Variants in FBXL13 observed in about 807,000 individuals in gnomAD.
The protein encoded by FBXL13 is F-box and leucine-rich repeat protein 13.
In FBXL13, 67 loss-of-function variants were observed where a neutral mutation model predicts 83.6. That is an observed-to-expected ratio of 0.80 (90% CI 0.66 to 0.98). FBXL13 has a LOEUF of 0.98. Among genes scored for constraint, FBXL13 ranks in the 50% least tolerant of loss-of-function variants. The probability of loss-of-function intolerance (pLI) is 0.00; values close to 1 mark genes in which losing one functional copy is unlikely to be tolerated. For missense variants in FBXL13, 822 were observed against 866.5 expected, an observed-to-expected ratio of 0.95 and a Z score of 0.64; for synonymous variants, 272 against 299.5, an observed-to-expected ratio of 0.91 and a Z score of 0.95.
intron 16 of FBXL13, among the ~76,000 whole-genome samples, chr7:102,877,108 G>A (rs1809374444): frequency 6.6e-6 from 1 of 152,076 alleles, no homozygotes. Flanking sequence ...CAAGGCATTC[G>A]GGTAGTCTCA....
chr7:102,867,401 T>C (rs1367240486), intron 16 of FBXL13, among the ~76,000 whole-genome samples: 1 of 151,776 alleles, frequency 6.6e-6, no homozygotes, highest in Non-Finnish European at 1.5e-5. Flanking sequence ...AAGAATTTAC[T>C]AGGTGGACAA....
intron 17 of FBXL13, among the ~76,000 whole-genome samples, chr7:102,849,558 C>T (rs534872490): frequency 2.0e-5 from 3 of 152,298 alleles, no homozygotes; most frequent in African/African-American, 7.2e-5. Context: ...ATCTAAGTAA[C>T]GAGAGAGCAT....
intron 2 of FBXL13, among the ~76,000 whole-genome samples, chr7:103,054,123 C>G (rs181143045): frequency 7.7e-4 from 89 of 115,686 alleles, no homozygotes; most frequent in African/African-American, 2.3e-3. Flanking sequence ...GGGCCAAGCA[C>G]AGTGGCTCAC....
intron 2 of FBXL13, among the ~76,000 whole-genome samples, chr7:103,040,101 TA>T (rs1298219070): frequency 1.3e-5 from 2 of 150,114 alleles, no homozygotes; most frequent in Non-Finnish European, 3.0e-5. Context: ...AAGATGCACA[TA>T]AGCTCAAAAT....
intron 9 of FBXL13, among the ~76,000 whole-genome samples, chr7:102,929,005 T>C (rs1212149015): frequency 6.6e-6 from 1 of 152,216 alleles, no homozygotes; most frequent in Non-Finnish European, 1.5e-5. Context: ...TTATTTATGT[T>C]AAAGTACAAG....
At chr7:102,903,226 G>A (rs1486809776) in intron 11 of FBXL13, among the ~76,000 whole-genome samples, 2 of 151,984 alleles carry the variant, frequency 1.3e-5, no homozygotes, top group Non-Finnish European at 2.9e-5. Flanking sequence ...ATTGTTCACT[G>A]TTGGCATATA....
At chr7:102,909,383 G>T (rs1218409832) in intron 11 of FBXL13, among the ~76,000 whole-genome samples, 1 of 152,084 alleles carries the variant, frequency 6.6e-6, no homozygotes, top group Non-Finnish European at 1.5e-5. Flanking sequence ...CTGCCTCGGT[G>T]CTCTACCCTC....
rs754986759 is a variant in FBXL13, at chr7:102,939,633, A to AT, written c.725-7701dup. The AT allele has an allele frequency of 3.8e-5, 57 of 1,515,476 alleles. No homozygotes were observed. The East Asian group carries it at 1.2e-3, about 31-fold the overall frequency. 93.9% of individuals were successfully genotyped at this position (1,515,476 alleles called of 1,614,324 possible). On this transcript the variant is annotated intron_variant, in intron 8 of 19. Transcript: ENST00000313221. ...TTCAATGGGTGGCAAGTGTTCTGTG[A>AT]TTTTTTTCTATGGCAACACTTATAT...
intron 8 of FBXL13, among the ~76,000 whole-genome samples, chr7:102,962,055 C>G (rs1298302567): frequency 6.6e-6 from 1 of 150,902 alleles, no homozygotes; most frequent in African/African-American, 2.5e-5. Flanking sequence ...AGGCAACCTA[C>G]AAAATGGGAG....
intron 2 of FBXL13, among the ~76,000 whole-genome samples, chr7:103,030,529 A>G (rs973472188): frequency 6.6e-6 from 1 of 152,202 alleles, no homozygotes; most frequent in Non-Finnish European, 1.5e-5. Context: ...TTTCACTAAC[A>G]TTACAATTTT....
intron 14 of FBXL13, among the ~76,000 whole-genome samples, chr7:102,882,792 C>CA (rs1294212177): frequency 1.5e-5 from 2 of 131,664 alleles, no homozygotes; most frequent in African/African-American, 3.1e-5. Context: ...CAAAACAAAA[C>CA]AAAAAAACAG....
chr7:102,924,057 T>C (rs1032568750), intron 10 of FBXL13, among the ~76,000 whole-genome samples: 97 of 151,832 alleles, frequency 6.4e-4, no homozygotes, highest in African/African-American at 2.2e-3. Flanking sequence ...CCGACCAACA[T>C]AGAGAAACCC....
In FBXL13 at chr7:103,021,351, T is replaced by G. The variant is rs185554606; in HGVS notation, c.495+3712A>C. Among the ~76,000 whole-genome samples the G allele has an allele frequency of 4.8e-3, 729 of 152,312 alleles. 5 individuals are homozygous for G. Among genetic ancestry groups the G allele is most frequent in the African/African-American group, 0.017 (689 of 41,558 alleles). ...ATTAATTCAAGATGAATTAAAGACT[T>G]AAATGTTAGACCTAAAACCATAAAA... On this transcript the variant is annotated intron_variant, in intron 6 of 19. Transcript: ENST00000313221.
chr7:103,073,250 T>C (rs755161716), intron 1 of FBXL13, among the ~76,000 whole-genome samples: 8 of 152,316 alleles, frequency 5.3e-5, no homozygotes, highest in Middle Eastern at 3.4e-3. Flanking sequence ...ATACAACATA[T>C]ATGAAATCAA....
intron 2 of FBXL13, among the ~76,000 whole-genome samples, chr7:103,039,489 C>T (rs752856171): frequency 2.0e-4 from 31 of 152,204 alleles, no homozygotes; most frequent in Admixed American, 8.5e-4. Flanking sequence ...CACAAAGATA[C>T]GCCTTGAGAA....
rs57047697 is a variant in FBXL13 at position 102,834,878 on chromosome 7, ATGTGTGTGTGTGTG to A, written c.1720-1918_1720-1905del. On this transcript the variant is annotated intron_variant, in intron 17 of 19. Coordinates refer to ENST00000313221, the Ensembl canonical transcript of FBXL13. Reference sequence around the variant, plus strand: ...ATTAGCTTGATTTAACCATTCCACAATGTGTGTGTGTGTGTGTGTGTGTGTGTGTGTGTGTGTGT... The same window carrying A: ...ATTAGCTTGATTTAACCATTCCACAATGTGTGTGTGTGTGTGTGTGTGTGT... Among the ~76,000 whole-genome samples, 1,342 of 147,156 alleles carry A rather than the reference ATGTGTGTGTGTGTG, an allele frequency of 9.1e-3. 21 individuals are homozygous for A. Among genetic ancestry groups the A allele is most frequent in the African/African-American group, 0.031 (1,259 of 40,020 alleles).
chr7:102,915,570 T>C (rs1181759177), intron 10 of FBXL13, among the ~76,000 whole-genome samples: 1 of 152,212 alleles, frequency 6.6e-6, no homozygotes, highest in Non-Finnish European at 1.5e-5. Context: ...AGAACTGAGC[T>C]AGGAGTGCTT....
intron 6 of FBXL13, among the ~76,000 whole-genome samples, chr7:102,977,722 G>T (rs888007584): frequency 6.6e-6 from 1 of 152,148 alleles, no homozygotes; most frequent in Non-Finnish European, 1.5e-5. Context: ...TGATAGACTG[G>T]ATTAAGAAAA....
At chr7:102,821,802 C>G (rs919705377) in intron 19 of FBXL13, among the ~76,000 whole-genome samples, 9 of 152,070 alleles carry the variant, frequency 5.9e-5, no homozygotes, top group Non-Finnish European at 2.9e-5. Flanking sequence ...GCTTTGGACA[C>G]CTGCTTAGTC....
Sources: allele counts gnomAD v4.1 joint callset (sites outside exome capture counted in the v4.1 genomes callset), GRCh38; gene constraint gnomAD v4.1.1; transcripts MANE v1.5; gene names NCBI Gene and HGNC (gene_info 2026-07-23, HGNC 2026-07-21).